The following HAPLN2 variants were observed in gnomAD, a reference collection of about 807,000 sequenced individuals.
The protein encoded by HAPLN2 is hyaluronan and proteoglycan link protein 2.
In HAPLN2, 27 loss-of-function variants were observed where a neutral mutation model predicts 29.3. That is an observed-to-expected ratio of 0.92 (90% CI 0.68 to 1.27). The LOEUF (loss-of-function observed/expected upper bound fraction) is 1.27. Ranked by LOEUF, HAPLN2 falls within the 50% of genes most tolerant of loss-of-function variation. The pLI is 0.00. For missense variants in HAPLN2, 454 were observed against 484.3 expected (o/e 0.94, Z 0.59); for synonymous variants, 208 against 211.7 (o/e 0.98, Z 0.15).
chr1:156,602,723 G>A, the HAPLN2 span, among the ~76,000 whole-genome samples: 5 of 151,582 alleles, frequency 3.3e-5, no homozygotes, highest in East Asian at 1.9e-4. Flanking sequence ...AGGCTGAGGA[G>A]TTTGGACTTG....
At chr1:156,621,983 A>T (rs1678243598) in intron 2 of HAPLN2, among the ~76,000 whole-genome samples, 1 of 151,878 alleles carries the variant, frequency 6.6e-6, no homozygotes, top group Admixed American at 6.6e-5. Context: ...ACAAATTTAA[A>T]GGGGGGAATA....
chr1:156,606,375 T>C, the HAPLN2 span, among the ~76,000 whole-genome samples: 1 of 134,474 alleles, frequency 7.4e-6, no homozygotes, highest in Admixed American at 8.5e-5. Flanking sequence ...GCCTGAGCTG[T>C]GGTTGTGCCA....
At chr1:156,624,856 C>A in intron 6 of HAPLN2, 73 bp downstream of exon 6, 1 of 1,422,106 alleles carries the variant, frequency 7.0e-7, no homozygotes, top group Non-Finnish European at 9.2e-7. Flanking sequence ...TGGACCTCAG[C>A]TTGAGATCAG....
At chr1:156,618,778 C>CAA (rs67222173), upstream of HAPLN2, among the ~76,000 whole-genome samples, 164 of 41,628 alleles carry the variant, frequency 3.9e-3, 6 homozygotes, top group African/African-American at 7.3e-3. Flanking sequence ...GACTCCGTCT[C>CAA]AAAAAAAAAA....
chr1:156,624,901 C>G (rs543993549), intron 6 of HAPLN2, 118 bp downstream of exon 6: 1 of 1,210,840 alleles, frequency 8.3e-7, no homozygotes, highest in Admixed American at 2.9e-5. Context: ...GGCACCGCCC[C>G]CCCATCAGCC....
At chr1:156,612,109 C>T in the HAPLN2 span, among the ~76,000 whole-genome samples, 1 of 152,126 alleles carries the variant, frequency 6.6e-6, no homozygotes, top group African/African-American at 2.4e-5. Flanking sequence ...CTTCAAGCTC[C>T]GCCTCCAGGG....
upstream of HAPLN2, among the ~76,000 whole-genome samples, chr1:156,617,602 G>A (rs1173524228): frequency 1.3e-5 from 2 of 150,404 alleles, no homozygotes; most frequent in South Asian, 2.1e-4. Flanking sequence ...GCCCACTTCG[G>A]CCTCCCAAAG....
At chr1:156,605,331 C>T in the HAPLN2 span, among the ~76,000 whole-genome samples, 2 of 151,550 alleles carry the variant, frequency 1.3e-5, no homozygotes, top group Non-Finnish European at 2.9e-5. Context: ...GTGGCTCACG[C>T]CTGTAATCCT....
chr1:156,608,491 G>A, the HAPLN2 span, among the ~76,000 whole-genome samples: 1 of 152,056 alleles, frequency 6.6e-6, no homozygotes, highest in South Asian at 2.1e-4. Context: ...GGGAGGCAGG[G>A]TATAGCAGGG....
At chr1:156,607,056 T>C in the HAPLN2 span, among the ~76,000 whole-genome samples, 1 of 152,166 alleles carries the variant, frequency 6.6e-6, no homozygotes, top group Non-Finnish European at 1.5e-5. Context: ...CACTGCAAAA[T>C]CCCATTGTCA....
Position 156,624,623 on chromosome 1 carries a change from G to C in HAPLN2, c.579G>C (p.Trp193Cys). The C allele has an allele frequency of 6.2e-7, 1 of 1,612,878 alleles. No homozygotes were observed. The highest frequency in any genetic ancestry group is 8.5e-7 in the Non-Finnish European group (1 of 1,179,682). The change falls in exon 6 of 7, where the codon TGG (tryptophan) becomes TGC (cysteine). Residue 193 changes from tryptophan (W) to cysteine (C), a missense_variant. This residue lies in a region of HAPLN2 where 235 missense variants were observed against 236.9 expected (regional missense o/e 0.99). Coordinates refer to ENST00000255039, the MANE Select transcript of HAPLN2 (RefSeq NM_021817.3). ...LYQAWTEGLD[W>C]CNAGWLLEGS... Reference sequence around the variant, plus strand: ...CAGCTTGGACCGAGGGTCTGGACTGGTGTAACGCGGGCTGGCTGCTCGAGG... The same window carrying C: ...CAGCTTGGACCGAGGGTCTGGACTGCTGTAACGCGGGCTGGCTGCTCGAGG...
Position 156,623,851 on chromosome 1 carries a change from G to C in HAPLN2, c.130G>C (p.Val44Leu). The C allele has an allele frequency of 6.5e-7, 1 of 1,548,366 alleles. No homozygotes were observed. Among genetic ancestry groups the C allele is most frequent in the Non-Finnish European group, 8.7e-7 (1 of 1,148,204 alleles). ...PHYLLPPIHEVIHSHRGATAT... is the reference protein window; with the variant it reads ...PHYLLPPIHELIHSHRGATAT... Reference sequence around the variant, plus strand: ...CTACCTCCTGCCCCCCATCCACGAGGTCATTCACTCTCATCGTGGGGCCAC... The same window carrying C: ...CTACCTCCTGCCCCCCATCCACGAGCTCATTCACTCTCATCGTGGGGCCAC... The change falls in exon 4 of 7, where the codon GTC becomes CTC. Residue 44 changes from valine (V) to leucine (L), a missense_variant. Physicochemically the swap from Val to Leu is conservative, Grantham distance 32 (BLOSUM62 1). Coordinates refer to ENST00000255039, the MANE Select transcript of HAPLN2 (RefSeq NM_021817.3).
chr1:156,622,571 A>C (rs1200718363), intron 2 of HAPLN2, among the ~76,000 whole-genome samples: 4 of 152,108 alleles, frequency 2.6e-5, no homozygotes, highest in African/African-American at 9.7e-5. Context: ...GGCACAAAGG[A>C]AAGGAAATGA....
the HAPLN2 span, among the ~76,000 whole-genome samples, chr1:156,610,622 A>G: frequency 4.0e-5 from 6 of 151,822 alleles, no homozygotes; most frequent in Admixed American, 3.3e-4. Context: ...CCTGGGCAAC[A>G]AGAGCAAAAC....
At position 156,625,420 on chromosome 1, in the gene HAPLN2, G is replaced by A. The variant is rs1338149595; in HGVS notation, c.*36G>A. 7 of 1,536,712 alleles carry A rather than the reference G, an allele frequency of 4.6e-6. No individual in the cohort carries two copies. Among genetic ancestry groups the A allele is most frequent in the Non-Finnish European group, 6.1e-6 (7 of 1,141,158 alleles). ...TGTCCCCTCCAGCGCGCGCGAAGAAGCTTGGGAGTCGTGGCGGGGGTCTCT... is the reference window on the plus strand; with the variant it reads ...TGTCCCCTCCAGCGCGCGCGAAGAAACTTGGGAGTCGTGGCGGGGGTCTCT... On this transcript the variant is annotated 3_prime_UTR_variant, in exon 7 of 7. Coordinates refer to ENST00000255039, the MANE Select transcript of HAPLN2 (RefSeq NM_021817.3). The surrounding 1 kb of genome is among the most constrained non-coding windows in gnomAD (Gnocchi z 5.7).
At chr1:156,601,689 A>G in the HAPLN2 span, among the ~76,000 whole-genome samples, 3 of 152,130 alleles carry the variant, frequency 2.0e-5, no homozygotes, top group African/African-American at 7.2e-5. Context: ...GGACTTCAGT[A>G]CTAACTGGCC....
intron 1 of HAPLN2, 66 bp from the exon 2 acceptor site, chr1:156,619,952 T>C (rs894268105): frequency 6.5e-6 from 1 of 152,678 alleles, no homozygotes; most frequent in African/African-American, 2.4e-5. Flanking sequence ...GCACCTTGGC[T>C]TCTTCTTTGA....
the HAPLN2 span, among the ~76,000 whole-genome samples, chr1:156,606,423 TAAAAAAAAAAAA>T: frequency 4.0e-5 from 2 of 49,494 alleles, no homozygotes; most frequent in Non-Finnish European, 7.7e-5. Context: ...AGACTCTGTC[TAAAAAAAAAAAA>T]AAAAAAAAAA....
the HAPLN2 span, among the ~76,000 whole-genome samples, chr1:156,612,041 G>A: frequency 0.014 from 2,127 of 152,120 alleles, 27 homozygotes; most frequent in Non-Finnish European, 0.023. Flanking sequence ...TTTTTGAGAC[G>A]GAGTTTTGTT....
Sources: allele counts gnomAD v4.1 joint callset (sites outside exome capture counted in the v4.1 genomes callset), GRCh38; gene constraint gnomAD v4.1.1; regional missense constraint gnomAD v4.1.1; non-coding constraint Gnocchi (gnomAD v3.1); transcripts MANE v1.5; gene names NCBI Gene and HGNC (gene_info 2026-07-23, HGNC 2026-07-21).